The following CDKAL1 variants were observed in gnomAD, a reference collection of about 807,000 sequenced individuals.
The protein encoded by CDKAL1 is CDKAL1 threonylcarbamoyladenosine tRNA methylthiotransferase.
A neutral mutation model predicts 68.2 loss-of-function variants in CDKAL1; 32 were observed. The ratio of observed to expected loss-of-function variants is 0.47; its 90% CI spans 0.35 to 0.63. The LOEUF (loss-of-function observed/expected upper bound fraction) is 0.63, where lower values mean the gene tolerates loss of function less well. Ranked by LOEUF, CDKAL1 falls within the 30% of genes least tolerant of loss-of-function variation. CDKAL1 has a pLI of 0.00. For synonymous variants in CDKAL1, 234 were observed against 244.3 expected, an observed-to-expected ratio of 0.96 and a Z score of 0.39; for missense variants, 606 against 696.7, an observed-to-expected ratio of 0.87 and a Z score of 1.47.
At chr6:20,885,658 A>T (rs893994627) in intron 9 of CDKAL1, among the ~76,000 whole-genome samples, 1 of 152,220 alleles carries the variant, frequency 6.6e-6, no homozygotes, top group African/African-American at 2.4e-5. Context: ...GATAAATTTG[A>T]CTTCATCAGA....
At chr6:21,034,992 A>G (rs1769494250) in intron 11 of CDKAL1, among the ~76,000 whole-genome samples, 1 of 152,178 alleles carries the variant, frequency 6.6e-6, no homozygotes, top group African/African-American at 2.4e-5. Flanking sequence ...TAGATTGTCT[A>G]CATATCTCAT....
chr6:20,803,230 A>C (rs1249665197), intron 8 of CDKAL1, among the ~76,000 whole-genome samples: 4 of 152,190 alleles, frequency 2.6e-5, no homozygotes, highest in Non-Finnish European at 5.9e-5. Context: ...TTAGGGTGGT[A>C]TAAGAGTCCC....
At chr6:20,853,133 C>T (rs960270062) in intron 9 of CDKAL1, among the ~76,000 whole-genome samples, 1 of 152,184 alleles carries the variant, frequency 6.6e-6, no homozygotes. Flanking sequence ...GTAATCCCAG[C>T]ACTTTGAGAG....
At chr6:21,051,728 A>G (rs1448434183) in intron 11 of CDKAL1, among the ~76,000 whole-genome samples, 1 of 152,220 alleles carries the variant, frequency 6.6e-6, no homozygotes, top group Non-Finnish European at 1.5e-5. Flanking sequence ...GACAGTTGTT[A>G]TCATCTCTCT....
chr6:20,811,038 C>T (rs1776793216), intron 8 of CDKAL1, among the ~76,000 whole-genome samples: 1 of 152,142 alleles, frequency 6.6e-6, no homozygotes, highest in South Asian at 2.1e-4. Flanking sequence ...GGAATATGAG[C>T]AGGAGACATA....
chr6:21,059,589 G>A (rs774392205), intron 11 of CDKAL1, among the ~76,000 whole-genome samples: 6 of 152,010 alleles, frequency 3.9e-5, no homozygotes, highest in South Asian at 2.1e-4. Flanking sequence ...CCATTGCTCC[G>A]CCCTGCTTTT....
intron 5 of CDKAL1, among the ~76,000 whole-genome samples, chr6:20,684,258 A>C (rs987156659): frequency 2.0e-5 from 3 of 152,204 alleles, no homozygotes; most frequent in African/African-American, 7.2e-5. Flanking sequence ...CCTGGCCAAC[A>C]TGGCAAAACC....
At chr6:20,655,130 C>T (rs1001559827) in intron 5 of CDKAL1, among the ~76,000 whole-genome samples, 5 of 152,112 alleles carry the variant, frequency 3.3e-5, no homozygotes, top group African/African-American at 9.7e-5. Context: ...TATTCCAGTG[C>T]GTTAAGAAAA....
chr6:21,180,235 G>A (rs1343020547), intron 13 of CDKAL1, among the ~76,000 whole-genome samples: 1 of 152,016 alleles, frequency 6.6e-6, no homozygotes, highest in Non-Finnish European at 1.5e-5. Context: ...CATCATGGTG[G>A]TTAGTTGAAG....
chr6:20,617,908 T>A (rs1382988672), intron 4 of CDKAL1, among the ~76,000 whole-genome samples: 1 of 152,166 alleles, frequency 6.6e-6, no homozygotes, highest in East Asian at 1.9e-4. Context: ...AGCAGTATGA[T>A]TTATAATCCT....
At chr6:21,037,903 T>G (rs1028567658) in intron 11 of CDKAL1, among the ~76,000 whole-genome samples, 1 of 152,246 alleles carries the variant, frequency 6.6e-6, no homozygotes, top group Non-Finnish European at 1.5e-5. Context: ...ATATTATTTA[T>G]GGAATTTGGG....
chr6:21,188,556 C>G (rs892516833), intron 13 of CDKAL1, among the ~76,000 whole-genome samples: 1 of 152,184 alleles, frequency 6.6e-6, no homozygotes, highest in African/African-American at 2.4e-5. Flanking sequence ...TAAAAAAGTT[C>G]TACACTTATA....
Position 20,855,992 on chromosome 6 carries a change from T to G in CDKAL1, c.742+9814T>G, listed in dbSNP as rs796618966. 2.6e-5 allele frequency among the ~76,000 whole-genome samples: 4 copies of G among 152,332 alleles called. No individual in the cohort carries two copies. The East Asian group carries it at 5.8e-4, about 22-fold the overall frequency. ...TATCAAGATCCTGAGGTGCCCATATTCTGCTTTGATTGAGTGCAAATCCAC... is the reference window on the plus strand; with the variant it reads ...TATCAAGATCCTGAGGTGCCCATATGCTGCTTTGATTGAGTGCAAATCCAC... On this transcript the variant is annotated intron_variant, in intron 9 of 15. Transcript: ENST00000274695.
In CDKAL1 at chr6:21,011,827, T is replaced by C. The variant is rs572535021; in HGVS notation, c.1055+11455T>C. ...CGTGATATCATTAAATCTACCAGTA[T>C]AGGGAAAGGTTTTAACTAGGTTACA... On this transcript the variant is annotated intron_variant, in intron 11 of 15. Coordinates refer to ENST00000274695, the MANE Select transcript of CDKAL1 (RefSeq NM_017774.3). 3.9e-5 allele frequency among the ~76,000 whole-genome samples: 6 copies of C among 152,284 alleles called. No individual in the cohort carries two copies. The South Asian group carries it at 1.2e-3, about 32-fold the overall frequency.
chr6:20,888,558 C>T (rs181240319), intron 9 of CDKAL1, among the ~76,000 whole-genome samples: 1,195 of 116,632 alleles, frequency 0.01, 10 homozygotes, highest in Middle Eastern at 0.055. Flanking sequence ...GTGTGTTGTT[C>T]CCCTTCCTGT....
intron 9 of CDKAL1, among the ~76,000 whole-genome samples, chr6:20,935,957 A>G (rs1763685375): frequency 6.6e-6 from 1 of 152,084 alleles, no homozygotes; most frequent in Admixed American, 6.6e-5. Flanking sequence ...TCGGAGACAA[A>G]TGTTATGTTG....
At chr6:20,999,767 G>A (rs567612465) in intron 10 of CDKAL1, among the ~76,000 whole-genome samples, 5 of 144,380 alleles carry the variant, frequency 3.5e-5, no homozygotes, top group Non-Finnish European at 6.0e-5. Context: ...AATAATATTT[G>A]TATTAAAAAA....
chr6:21,132,766 A>G (rs1775391948), intron 13 of CDKAL1, among the ~76,000 whole-genome samples: 1 of 152,116 alleles, frequency 6.6e-6, no homozygotes, highest in Non-Finnish European at 1.5e-5. Context: ...ATTTCCTGGT[A>G]ATTTCTCCTT....
chr6:20,578,043 T>C (rs1265885488), intron 4 of CDKAL1, among the ~76,000 whole-genome samples: 1 of 152,172 alleles, frequency 6.6e-6, no homozygotes, highest in East Asian at 1.9e-4. Context: ...GGACTATATG[T>C]CATAAATCTC....
Sources: allele counts gnomAD v4.1 joint callset (sites outside exome capture counted in the v4.1 genomes callset), GRCh38; gene constraint gnomAD v4.1.1; transcripts MANE v1.5; gene names NCBI Gene and HGNC (gene_info 2026-07-23, HGNC 2026-07-21).